Variants in SV2B observed in about 807,000 individuals in gnomAD.
SV2B encodes synaptic vesicle glycoprotein 2B.
In SV2B, 41 loss-of-function variants were observed where a neutral mutation model predicts 73.9. The observed-to-expected ratio is 0.56, with a 90% CI of 0.43 to 0.72. The LOEUF (loss-of-function observed/expected upper bound fraction) is 0.72. SV2B is among the 30% of genes least tolerant of loss of function. The pLI is 0.00. For missense variants in SV2B, 764 were observed against 857.8 expected, an observed-to-expected ratio of 0.89 and a Z score of 1.37; for synonymous variants, 314 against 314.2, an observed-to-expected ratio of 1.00 and a Z score of 0.01.
Position 91,241,237 on chromosome 15 carries a change from A to G in SV2B, c.452-10582A>G, listed in dbSNP as rs977978631. ...ACATTCCTCACTGAGCTTAATGTCC[A>G]TGTCCATAATCACAGTCACTTTCTG... On this transcript the variant is annotated intron_variant, in intron 2 of 12. Coordinates refer to ENST00000394232, the MANE Select transcript of SV2B (RefSeq NM_001323032.3). This position sits in a 1 kb window ranked among gnomAD's most constrained non-coding sequence, Gnocchi z 4.8. Among the ~76,000 whole-genome samples, 2 of 152,144 alleles carry G rather than the reference A, an allele frequency of 1.3e-5. No homozygotes were observed. Among genetic ancestry groups the G allele is most frequent in the African/African-American group, 2.4e-5 (1 of 41,422 alleles).
chr15:91,164,356 A>G (rs1235971615), intron 1 of SV2B, among the ~76,000 whole-genome samples: 4 of 152,186 alleles, frequency 2.6e-5, no homozygotes, highest in Non-Finnish European at 4.4e-5. Flanking sequence ...ACTATACTAC[A>G]AGGCTACGGG....
chr15:91,182,268 G>T (rs1257217321), intron 1 of SV2B, among the ~76,000 whole-genome samples: 2 of 152,136 alleles, frequency 1.3e-5, no homozygotes, highest in African/African-American at 4.8e-5. Context: ...ACATGTGACC[G>T]TCCATCTAAC....
chr15:91,109,119 C>T (rs1199374671), intron 1 of SV2B, among the ~76,000 whole-genome samples: 1 of 152,194 alleles, frequency 6.6e-6, no homozygotes, highest in Non-Finnish European at 1.5e-5. Flanking sequence ...TCCTCCTGTG[C>T]CCATTTTACA....
Position 91,298,460 on chromosome 15 carries a change from C to T in SV2B, c.*5908C>T, listed in dbSNP as rs1009582243. 2.0e-5 allele frequency: 3 copies of T among 152,044 alleles called. No homozygotes were observed. Among genetic ancestry groups the T allele is most frequent in the Non-Finnish European group, 2.9e-5 (2 of 68,024 alleles). 9.4% of individuals were successfully genotyped at this position (152,044 alleles called of 1,614,324 possible). ...ATATGCATGGCTGTTGTGGCAGCAG[C>T]GAGATTTCCAAAAAGATGAATGATG... On this transcript the variant is annotated 3_prime_UTR_variant, in exon 13 of 13. Coordinates refer to ENST00000394232, the MANE Select transcript of SV2B (RefSeq NM_001323032.3). This position sits in a 1 kb window ranked among gnomAD's most constrained non-coding sequence, Gnocchi z 5.4.
At chr15:91,225,631 C>T (rs2046349624) in intron 1 of SV2B, among the ~76,000 whole-genome samples, 1 of 152,136 alleles carries the variant, frequency 6.6e-6, no homozygotes, top group Middle Eastern at 3.4e-3. Context: ...TTTGCTGCAC[C>T]CATTTCATGG....
chr15:91,118,825 C>G lies in SV2B; in HGVS notation c.-392+18462C>G, dbSNP rs1397733448. On this transcript the variant is annotated intron_variant, in intron 1 of 12. Transcript: ENST00000394232. The surrounding 1 kb of genome is among the most constrained non-coding windows in gnomAD (Gnocchi z 4.7). ...CTTCACTCATTCTTGTTTGAATGAA[C>G]AAAATTAATCTGCCTCCTTCCTCCA... is the stretch of plus-strand genomic sequence containing the variant. 6.6e-6 allele frequency among the ~76,000 whole-genome samples: 1 copy of G among 152,212 alleles called. No individual in the cohort carries two copies. Among genetic ancestry groups the G allele is most frequent in the South Asian group, 2.1e-4 (1 of 4,826 alleles).
intron 1 of SV2B, among the ~76,000 whole-genome samples, chr15:91,180,064 A>G (rs1301948349): frequency 6.6e-6 from 1 of 151,686 alleles, no homozygotes; most frequent in Admixed American, 6.6e-5. Flanking sequence ...TGCTTCCTTC[A>G]GGAGCTCTTT....
At chr15:91,177,334 C>A (rs2044353592) in intron 1 of SV2B, among the ~76,000 whole-genome samples, 1 of 151,830 alleles carries the variant, frequency 6.6e-6, no homozygotes, top group Non-Finnish European at 1.5e-5. Context: ...GTGATGCCTC[C>A]AGCTTTGTTC....
At chr15:91,219,317 C>T (rs961266415) in intron 1 of SV2B, among the ~76,000 whole-genome samples, 2 of 152,132 alleles carry the variant, frequency 1.3e-5, no homozygotes, top group African/African-American at 4.8e-5. Flanking sequence ...AATTATCCTT[C>T]CTTTCAGCAG....
intron 1 of SV2B, among the ~76,000 whole-genome samples, chr15:91,167,178 T>G (rs576358505): frequency 6.6e-6 from 1 of 152,230 alleles, no homozygotes; most frequent in South Asian, 2.1e-4. Flanking sequence ...ACCATTATTT[T>G]ATGGAATATG....
intron 9 of SV2B, among the ~76,000 whole-genome samples, chr15:91,278,674 G>T (rs1390382892): frequency 2.1e-5 from 1 of 48,622 alleles, no homozygotes; most frequent in Admixed American, 1.7e-4. Context: ...GCGAGACTCC[G>T]TCTCAAAAAA....
chr15:91,233,766 A>AG, intron 2 of SV2B, among the ~76,000 whole-genome samples: 1 of 152,256 alleles, frequency 6.6e-6, no homozygotes, highest in East Asian at 1.9e-4. Context: ...GTTGCCTTGC[A>AG]AGACTTGCTG....
At chr15:91,176,387 G>A (rs368430212) in intron 1 of SV2B, among the ~76,000 whole-genome samples, 1 of 151,356 alleles carries the variant, frequency 6.6e-6, no homozygotes, top group Non-Finnish European at 1.5e-5. Flanking sequence ...ATGATTTATA[G>A]TCCTTTGGGT....
chr15:91,120,927 C>G (rs2042317535), intron 1 of SV2B, among the ~76,000 whole-genome samples: 1 of 151,746 alleles, frequency 6.6e-6, no homozygotes, highest in East Asian at 1.9e-4. Flanking sequence ...TTCCAGTTTT[C>G]TCAACATGAT....
At chr15:91,120,833 A>G (rs1443590622) in intron 1 of SV2B, among the ~76,000 whole-genome samples, 1 of 151,690 alleles carries the variant, frequency 6.6e-6, no homozygotes, top group African/African-American at 2.4e-5. Flanking sequence ...AAAAGAAAGA[A>G]AAAGTAAAAG....
chr15:91,228,549 T>C (rs1250571277), intron 2 of SV2B, among the ~76,000 whole-genome samples: 4 of 152,170 alleles, frequency 2.6e-5, no homozygotes, highest in Non-Finnish European at 5.9e-5. Context: ...ATGTCGGTAA[T>C]GATTTCATGG....
intron 1 of SV2B, among the ~76,000 whole-genome samples, chr15:91,146,929 A>C (rs2043163157): frequency 6.6e-6 from 1 of 152,220 alleles, no homozygotes; most frequent in Admixed American, 6.5e-5. Flanking sequence ...AATGGTGCAC[A>C]GAATGCCTCC....
At chr15:91,165,853 C>A (rs1306817518) in intron 1 of SV2B, among the ~76,000 whole-genome samples, 1 of 152,146 alleles carries the variant, frequency 6.6e-6, no homozygotes, top group Non-Finnish European at 1.5e-5. Context: ...AGTGTTATTT[C>A]CTTTCTACTT....
intron 1 of SV2B, among the ~76,000 whole-genome samples, chr15:91,148,830 C>G (rs527906455): frequency 3.6e-4 from 55 of 152,256 alleles, no homozygotes; most frequent in African/African-American, 1.3e-3. Flanking sequence ...AGAGAGAATT[C>G]TTTCTTACCT....
Sources: allele counts gnomAD v4.1 joint callset (sites outside exome capture counted in the v4.1 genomes callset), GRCh38; gene constraint gnomAD v4.1.1; non-coding constraint Gnocchi (gnomAD v3.1); transcripts MANE v1.5; gene names NCBI Gene and HGNC (gene_info 2026-07-23, HGNC 2026-07-21).